TNRC6B: variants seen among roughly 807,000 people sequenced by gnomAD.
TNRC6B encodes the protein trinucleotide repeat-containing gene 6B protein.
TNRC6B carries 52 observed loss-of-function variants against 203.6 expected under a neutral mutation model. The ratio of observed to expected loss-of-function variants is 0.26; its 90% CI spans 0.20 to 0.32. The LOEUF (loss-of-function observed/expected upper bound fraction) is 0.32. Among genes scored for constraint, TNRC6B ranks in the 10% least tolerant of loss-of-function variants. The probability of loss-of-function intolerance (pLI) is 1.00; values close to 1 mark genes in which losing one functional copy is unlikely to be tolerated. For missense variants in TNRC6B, 1,923 were observed against 2,286.2 expected (o/e 0.84, Z 3.24); for synonymous variants, 838 against 845.7 (o/e 0.99, Z 0.16).
intron 4 of TNRC6B, among the ~76,000 whole-genome samples, chr22:40,168,136 T>G (rs914937119): frequency 6.6e-6 from 1 of 152,234 alleles, no homozygotes; most frequent in Non-Finnish European, 1.5e-5. Context: ...TTTTTGTTGA[T>G]TGCCTCATGC....
chr22:40,311,399 C>G (rs1276584998), intron 17 of TNRC6B, among the ~76,000 whole-genome samples: 1 of 152,086 alleles, frequency 6.6e-6, no homozygotes, highest in Non-Finnish European at 1.5e-5. Flanking sequence ...ATATAGTAAT[C>G]TATTCTCATG....
At chr22:40,172,164 G>C (rs2069006674) in intron 4 of TNRC6B, among the ~76,000 whole-genome samples, 1 of 152,160 alleles carries the variant, frequency 6.6e-6, no homozygotes, top group African/African-American at 2.4e-5. Context: ...ACAGGCATGA[G>C]CCACCATGCC....
chr22:40,194,390 T>G (rs1374480560), intron 1 of TNRC6B, among the ~76,000 whole-genome samples: 1 of 152,184 alleles, frequency 6.6e-6, no homozygotes, highest in Non-Finnish European at 1.5e-5. Context: ...GCTGCTGAGC[T>G]TCTGTGCTTG....
chr22:40,300,419 CCTTTT>C, intron 12 of TNRC6B, 31 bp from the exon 13 acceptor site: 1 of 1,495,084 alleles, frequency 6.7e-7, no homozygotes, highest in Non-Finnish European at 8.9e-7. Context: ...TCTGAAGATT[CCTTTT>C]CTTTTCTTTC....
chr22:40,321,263 C>T, intron 22 of TNRC6B, 34 bp downstream of exon 22: 2 of 1,605,958 alleles, frequency 1.2e-6, no homozygotes, highest in South Asian at 1.1e-5. Context: ...CGTAGACAAA[C>T]ATGCATGAAG....
At chr22:40,176,232 C>T (rs904110600), upstream of TNRC6B, among the ~76,000 whole-genome samples, 1 of 151,000 alleles carries the variant, frequency 6.6e-6, no homozygotes, top group African/African-American at 2.4e-5. Flanking sequence ...TCAAGCGATT[C>T]TCCTGCTAAG....
At chr22:40,278,217 T>C (rs1035484987) in intron 9 of TNRC6B, among the ~76,000 whole-genome samples, 173 bp downstream of exon 9, 9 of 152,244 alleles carry the variant, frequency 5.9e-5, no homozygotes, top group South Asian at 2.1e-4. Context: ...CTCACATGAC[T>C]ACAGGAGTCA....
chr22:40,305,694 T>G (rs373555374), intron 15 of TNRC6B, among the ~76,000 whole-genome samples: 6 of 152,348 alleles, frequency 3.9e-5, no homozygotes, highest in East Asian at 1.9e-4. Context: ...TTCTTTCTCT[T>G]ACCCCTTGGA....
At chr22:40,141,899 C>T (rs1227277572) in intron 3 of TNRC6B, among the ~76,000 whole-genome samples, 1 of 151,630 alleles carries the variant, frequency 6.6e-6, no homozygotes, top group Non-Finnish European at 1.5e-5. Context: ...CTCAGCCTCC[C>T]GAGTAGCTGA....
At chr22:40,258,020 C>G (rs1293456911) in intron 3 of TNRC6B, among the ~76,000 whole-genome samples, 5 of 107,234 alleles carry the variant, frequency 4.7e-5, no homozygotes, top group South Asian at 3.2e-4. Context: ...TCTCAAAAAA[C>G]AAACAAAAAA....
chr22:40,052,133 ACC>A (rs1259873289), intron 1 of TNRC6B, among the ~76,000 whole-genome samples: 1 of 152,162 alleles, frequency 6.6e-6, no homozygotes, highest in Non-Finnish European at 1.5e-5. Context: ...AAATGTGCCA[ACC>A]TTCCTTGCCA....
intron 1 of TNRC6B, among the ~76,000 whole-genome samples, chr22:40,067,861 A>G (rs1349750566): frequency 6.6e-6 from 1 of 152,126 alleles, no homozygotes; most frequent in Non-Finnish European, 1.5e-5. Flanking sequence ...ACACCCTCCC[A>G]GGCACACCCA....
At chr22:40,201,190 T>C (rs1047956358) in intron 1 of TNRC6B, among the ~76,000 whole-genome samples, 1 of 152,166 alleles carries the variant, frequency 6.6e-6, no homozygotes, top group African/African-American at 2.4e-5. Context: ...ACTTACACTT[T>C]AGAATCTTTA....
chr22:40,215,330 A>G (rs1186363577), intron 1 of TNRC6B, among the ~76,000 whole-genome samples: 2 of 152,134 alleles, frequency 1.3e-5, no homozygotes, highest in African/African-American at 2.4e-5. Context: ...TCTCAGCCCC[A>G]AGCCCCCATT....
intron 1 of TNRC6B, among the ~76,000 whole-genome samples, chr22:40,185,325 G>A (rs1165932631): frequency 6.6e-6 from 1 of 152,130 alleles, no homozygotes; most frequent in Non-Finnish European, 1.5e-5. Context: ...TTGGTAAGGT[G>A]TCCAAAGATG....
chr22:40,263,067 G>C (rs1318595681), intron 4 of TNRC6B, among the ~76,000 whole-genome samples: 2 of 151,262 alleles, frequency 1.3e-5, no homozygotes, highest in African/African-American at 4.9e-5. Flanking sequence ...AGTTGTGAGA[G>C]TTTTTAATAG....
intron 1 of TNRC6B, among the ~76,000 whole-genome samples, chr22:40,101,419 A>T (rs1479953386): frequency 6.6e-6 from 1 of 152,168 alleles, no homozygotes; most frequent in African/African-American, 2.4e-5. Flanking sequence ...ATAAGGTCTG[A>T]ATATTCACAT....
At chr22:40,074,656 A>G (rs913992040) in intron 1 of TNRC6B, among the ~76,000 whole-genome samples, 2 of 151,672 alleles carry the variant, frequency 1.3e-5, no homozygotes, top group South Asian at 2.1e-4. Flanking sequence ...GTGGGCGCCT[A>G]TAGTCCCAGC....
intron 3 of TNRC6B, among the ~76,000 whole-genome samples, chr22:40,149,396 C>T (rs1008850171): frequency 2.6e-5 from 4 of 152,080 alleles, no homozygotes; most frequent in African/African-American, 9.7e-5. Flanking sequence ...TGACTGGGTG[C>T]GGTGGCTCAC....
Sources: allele counts gnomAD v4.1 joint callset (sites outside exome capture counted in the v4.1 genomes callset), GRCh38; gene constraint gnomAD v4.1.1; transcripts MANE v1.5; gene names NCBI Gene and HGNC (gene_info 2026-07-23, HGNC 2026-07-21).